Variants in BACH2 observed in about 807,000 individuals in gnomAD.
BACH2 encodes BACH transcriptional regulator 2, also known as transcription regulator protein BACH2.
In BACH2, 5 loss-of-function variants were observed where a neutral mutation model predicts 61.8. The ratio of observed to expected loss-of-function variants is 0.08; its 90% CI spans 0.04 to 0.17. The LOEUF is 0.17. BACH2 is among the 10% of genes least tolerant of loss of function. The pLI is 1.00. For missense variants in BACH2, 824 were observed against 1,091.1 expected, an observed-to-expected ratio of 0.76 and a Z score of 3.45; for synonymous variants, 446 against 440.1, an observed-to-expected ratio of 1.01 and a Z score of -0.17.
At chr6:90,227,745 G>A (rs1352599781) in intron 3 of BACH2, among the ~76,000 whole-genome samples, 2 of 151,670 alleles carry the variant, frequency 1.3e-5, no homozygotes, top group Non-Finnish European at 2.9e-5. Context: ...TTACAGACTA[G>A]AAATCAACTA....
intron 2 of BACH2, among the ~76,000 whole-genome samples, chr6:90,271,614 C>T (rs529062935): frequency 6.6e-6 from 1 of 152,040 alleles, no homozygotes; most frequent in African/African-American, 2.4e-5. Context: ...AAGAAGACAT[C>T]CAAATAGCCA....
chr6:90,262,461 C>A lies in BACH2; in HGVS notation c.-353+9388G>T, dbSNP rs78053807. 2.0e-5 allele frequency among the ~76,000 whole-genome samples: 3 copies of A among 152,134 alleles called. No individual in the cohort carries two copies. In the East Asian group the frequency reaches 5.8e-4, roughly 29 times the overall value. On this transcript the variant is annotated intron_variant, in intron 2 of 8. Transcript: ENST00000257749. ...TTAGTACCCATTCATGGGTACCATG[C>A]GTGCACATGATTCCAGGACAGCAAT...
intron 1 of BACH2, among the ~76,000 whole-genome samples, chr6:90,272,436 TA>T (rs1771555531): frequency 1.3e-5 from 2 of 152,234 alleles, no homozygotes; most frequent in Admixed American, 1.3e-4. Flanking sequence ...TCCTTGCAGA[TA>T]GCCCCCCAAT....
chr6:90,003,823 C>T (rs975827613), intron 6 of BACH2, among the ~76,000 whole-genome samples: 3 of 152,156 alleles, frequency 2.0e-5, no homozygotes, highest in African/African-American at 7.2e-5. Flanking sequence ...TGGGGTGAGG[C>T]CAAAGGGCAG....
At chr6:90,128,848 G>A (rs1422264052) in intron 4 of BACH2, among the ~76,000 whole-genome samples, 2 of 152,174 alleles carry the variant, frequency 1.3e-5, no homozygotes, top group African/African-American at 4.8e-5. Context: ...TTAAGAAAAT[G>A]TGGCACATAT....
chr6:90,203,704 T>C (rs150149745), intron 4 of BACH2, among the ~76,000 whole-genome samples: 162 of 152,312 alleles, frequency 1.1e-3, no homozygotes, highest in Admixed American at 1.7e-3. Context: ...TTTGTTATCA[T>C]ATTCCACGTA....
intron 6 of BACH2, among the ~76,000 whole-genome samples, chr6:89,957,992 A>G (rs1318059193): frequency 6.6e-6 from 1 of 152,206 alleles, no homozygotes; most frequent in Non-Finnish European, 1.5e-5. Context: ...GTCTTAGTGA[A>G]TATGTCTTAA....
chr6:89,957,102 C>T (rs1209884630), intron 6 of BACH2, among the ~76,000 whole-genome samples: 1 of 152,136 alleles, frequency 6.6e-6, no homozygotes, highest in Non-Finnish European at 1.5e-5. Context: ...AACGCTAGAC[C>T]ACTGACAACC....
intron 6 of BACH2, among the ~76,000 whole-genome samples, chr6:89,982,332 G>A (rs192839618): frequency 6.6e-6 from 1 of 152,180 alleles, no homozygotes; most frequent in East Asian, 1.9e-4. Flanking sequence ...TGGGGGTGGG[G>A]TAGAGAGGTC....
At chr6:89,947,793 G>C (rs543889805) in intron 7 of BACH2, among the ~76,000 whole-genome samples, 4 of 151,892 alleles carry the variant, frequency 2.6e-5, no homozygotes, top group Non-Finnish European at 4.4e-5. Flanking sequence ...GGATGGTCTC[G>C]ATCTCCCGAC....
At chr6:89,995,886 C>T (rs1776819535) in intron 6 of BACH2, among the ~76,000 whole-genome samples, 1 of 152,178 alleles carries the variant, frequency 6.6e-6, no homozygotes, top group Admixed American at 6.6e-5. Context: ...ATTCCTCAGT[C>T]TGATAAACTG....
chr6:89,963,206 A>T (rs574249353), intron 6 of BACH2, among the ~76,000 whole-genome samples: 6 of 152,346 alleles, frequency 3.9e-5, no homozygotes, highest in Admixed American at 2.0e-4. Flanking sequence ...ACCCACTGGG[A>T]TGACTACTAC....
intron 6 of BACH2, among the ~76,000 whole-genome samples, chr6:89,956,469 T>C (rs531593947): frequency 3.9e-5 from 6 of 152,322 alleles, no homozygotes; most frequent in Non-Finnish European, 7.4e-5. Context: ...GTGTTGAAAT[T>C]TGACCCACTG....
intron 4 of BACH2, among the ~76,000 whole-genome samples, chr6:90,142,205 T>C (rs1784484345): frequency 6.6e-6 from 1 of 152,242 alleles, no homozygotes; most frequent in South Asian, 2.1e-4. Context: ...ACTTAGTATG[T>C]GATGCTGTCA....
At chr6:90,181,151 C>T (rs1284320168) in intron 4 of BACH2, among the ~76,000 whole-genome samples, 4 of 152,100 alleles carry the variant, frequency 2.6e-5, no homozygotes, top group African/African-American at 9.7e-5. Context: ...GTAAGTGTTC[C>T]CTTTTCACTA....
At chr6:90,084,883 T>C (rs567279823) in intron 5 of BACH2, among the ~76,000 whole-genome samples, 11 of 152,086 alleles carry the variant, frequency 7.2e-5, no homozygotes, top group Non-Finnish European at 1.0e-4. Flanking sequence ...TGGATCCTTA[T>C]AGATGACTCT....
chr6:90,100,728 G>GACACACACACACAC (rs367693277), intron 4 of BACH2, among the ~76,000 whole-genome samples: 1 of 142,270 alleles, frequency 7.0e-6, no homozygotes, highest in Non-Finnish European at 1.5e-5. Flanking sequence ...CACACACACA[G>GACACACACACACAC]ACACACACAC....
At chr6:90,137,860 C>T (rs2127825586) in intron 4 of BACH2, among the ~76,000 whole-genome samples, 1 of 152,228 alleles carries the variant, frequency 6.6e-6, no homozygotes, top group Non-Finnish European at 1.5e-5. Context: ...CTTGCAAAGC[C>T]AGGCAGTGTG....
intron 4 of BACH2, among the ~76,000 whole-genome samples, chr6:90,127,668 A>T (rs984424397): frequency 6.6e-6 from 1 of 152,188 alleles, no homozygotes; most frequent in Non-Finnish European, 1.5e-5. Context: ...GTTACCTGAG[A>T]TGTTTAGAGT....
Sources: gnomAD v4.1 joint callset for allele counts (sites outside exome capture counted in the v4.1 genomes callset) on GRCh38, gnomAD v4.1.1 for gene constraint, MANE v1.5 for transcripts, NCBI Gene and HGNC (gene_info 2026-07-23, HGNC 2026-07-21) for gene names.